Variants in GPC5 observed in about 807,000 individuals in gnomAD.
The protein encoded by GPC5 is glypican 5.
A neutral mutation model predicts 53.9 loss-of-function variants in GPC5; 47 were observed. That is an observed-to-expected ratio of 0.87 (90% CI 0.69 to 1.11). The LOEUF is 1.11. Among genes scored for constraint, GPC5 ranks in the 50% most tolerant of loss-of-function variants. GPC5 has a pLI of 0.00. For synonymous variants in GPC5, 286 were observed against 263.3 expected, an observed-to-expected ratio of 1.09 and a Z score of -0.84; for missense variants, 748 against 713.1, an observed-to-expected ratio of 1.05 and a Z score of -0.56.
rs889580565 is a variant in GPC5 at position 92,576,790 on chromosome 13, C to A, written c.1562-289492C>A. On this transcript the variant is annotated intron_variant, in intron 7 of 7. Transcript: ENST00000377067. ...TTCCAGCCCACATTGATCTCTTTCTCCAAAGACTTTATCTGTACTTATCTA... is the reference window on the plus strand; with the variant it reads ...TTCCAGCCCACATTGATCTCTTTCTACAAAGACTTTATCTGTACTTATCTA... Among the ~76,000 whole-genome samples the A allele has an allele frequency of 3.9e-5, 6 of 152,234 alleles. No homozygotes were observed. In the East Asian group the frequency reaches 7.7e-4, roughly 20 times the overall value.
chr13:92,738,319 A>G (rs886915507), intron 7 of GPC5, among the ~76,000 whole-genome samples: 2 of 152,066 alleles, frequency 1.3e-5, no homozygotes, highest in South Asian at 2.1e-4. Flanking sequence ...TTTTTTATGC[A>G]ATGGTAAAGA....
At chr13:91,495,434 A>G (rs1387461587) in intron 2 of GPC5, among the ~76,000 whole-genome samples, 1 of 152,198 alleles carries the variant, frequency 6.6e-6, no homozygotes, top group Non-Finnish European at 1.5e-5. Flanking sequence ...AGGGTAGAAG[A>G]GTCCTGCTGT....
At chr13:91,777,385 C>T (rs2037727484) in intron 5 of GPC5, among the ~76,000 whole-genome samples, 1 of 152,104 alleles carries the variant, frequency 6.6e-6, no homozygotes, top group Non-Finnish European at 1.5e-5. Context: ...ACAGTGTTAT[C>T]TGAAGCAAAA....
At chr13:92,170,512 A>G (rs927600722) in intron 7 of GPC5, among the ~76,000 whole-genome samples, 1 of 123,824 alleles carries the variant, frequency 8.1e-6, no homozygotes, top group African/African-American at 3.1e-5. Flanking sequence ...TGGAACCTCC[A>G]CCTCCCAGGT....
At chr13:91,979,657 G>A (rs983160260) in intron 6 of GPC5, among the ~76,000 whole-genome samples, 3 of 152,166 alleles carry the variant, frequency 2.0e-5, no homozygotes, top group Non-Finnish European at 4.4e-5. Flanking sequence ...ATTCAGACAT[G>A]ATCATATTCC....
intron 1 of GPC5, among the ~76,000 whole-genome samples, chr13:91,439,053 A>C (rs1345542105): frequency 6.6e-6 from 1 of 152,228 alleles, no homozygotes; most frequent in African/African-American, 2.4e-5. Context: ...GGAGCTGTAG[A>C]CTGGAGCTGT....
chr13:92,177,043 C>T (rs994503110), intron 7 of GPC5, among the ~76,000 whole-genome samples: 1 of 151,964 alleles, frequency 6.6e-6, no homozygotes, highest in African/African-American at 2.4e-5. Flanking sequence ...TTTTGGATAC[C>T]CTTATTTCCA....
chr13:92,312,260 C>G (rs935872190), intron 7 of GPC5, among the ~76,000 whole-genome samples: 1 of 152,050 alleles, frequency 6.6e-6, no homozygotes, highest in South Asian at 2.1e-4. Flanking sequence ...TCACTTTTCT[C>G]TTTCCAAAAG....
At chr13:91,715,364 T>C (rs1035978116) in intron 3 of GPC5, among the ~76,000 whole-genome samples, 45 of 152,234 alleles carry the variant, frequency 3.0e-4, no homozygotes, top group Admixed American at 6.5e-5. Flanking sequence ...TACACATAGA[T>C]AAATTATAAA....
At chr13:91,433,070 G>A (rs1879623047) in intron 1 of GPC5, among the ~76,000 whole-genome samples, 1 of 152,030 alleles carries the variant, frequency 6.6e-6, no homozygotes, top group South Asian at 2.1e-4. Flanking sequence ...CATAGTCTTG[G>A]AAGAGAAGTA....
chr13:91,584,432 A>G (rs1480052317), intron 2 of GPC5, among the ~76,000 whole-genome samples: 1 of 152,208 alleles, frequency 6.6e-6, no homozygotes, highest in African/African-American at 2.4e-5. Flanking sequence ...TACATACAAA[A>G]AATCAATTCT....
chr13:91,883,678 A>C (rs1053267048), intron 5 of GPC5, among the ~76,000 whole-genome samples: 1 of 152,224 alleles, frequency 6.6e-6, no homozygotes, highest in Non-Finnish European at 1.5e-5. Flanking sequence ...GCAGAGAAAT[A>C]AGCATGAAAA....
intron 7 of GPC5, among the ~76,000 whole-genome samples, chr13:92,403,209 A>C (rs1875637016): frequency 6.6e-6 from 1 of 152,224 alleles, no homozygotes; most frequent in African/African-American, 2.4e-5. Context: ...TTAATGGTGG[A>C]TGTTTAAGGA....
chr13:92,109,152 G>A (rs2041536017), intron 6 of GPC5, among the ~76,000 whole-genome samples: 1 of 131,118 alleles, frequency 7.6e-6, no homozygotes, highest in Non-Finnish European at 1.6e-5. Flanking sequence ...CTGCAGTCTT[G>A]AACTCCTGGG....
intron 6 of GPC5, among the ~76,000 whole-genome samples, chr13:92,026,466 G>C (rs200282631): frequency 8.6e-6 from 1 of 115,748 alleles, no homozygotes; most frequent in Non-Finnish European, 1.8e-5. Context: ...TTTTTTTTTT[G>C]TACTGAGCTA....
chr13:91,898,680 A>T (rs1472053767), intron 5 of GPC5, among the ~76,000 whole-genome samples: 3 of 79,048 alleles, frequency 3.8e-5, no homozygotes, highest in Non-Finnish European at 8.1e-5. Context: ...CCAAAGACAG[A>T]CAAAAAAAAA....
At chr13:91,484,157 G>T (rs1275836119) in intron 2 of GPC5, among the ~76,000 whole-genome samples, 1 of 151,954 alleles carries the variant, frequency 6.6e-6, no homozygotes, top group Non-Finnish European at 1.5e-5. Context: ...TATCTCATTT[G>T]CTACTTAAGT....
At chr13:91,907,281 A>G (rs1230856402) in intron 5 of GPC5, among the ~76,000 whole-genome samples, 1 of 148,770 alleles carries the variant, frequency 6.7e-6, no homozygotes, top group Non-Finnish European at 1.5e-5. Context: ...TTAAAAATCA[A>G]AAGATTTATT....
intron 7 of GPC5, among the ~76,000 whole-genome samples, chr13:92,476,098 G>A (rs1485852039): frequency 6.6e-6 from 1 of 152,088 alleles, no homozygotes; most frequent in East Asian, 1.9e-4. Context: ...CCATCAGAGT[G>A]AACAGGCAAC....
Sources: gnomAD v4.1 joint callset for allele counts (sites outside exome capture counted in the v4.1 genomes callset) on GRCh38, gnomAD v4.1.1 for gene constraint, MANE v1.5 for transcripts, NCBI Gene and HGNC (gene_info 2026-07-23, HGNC 2026-07-21) for gene names.